DCK: variants seen among roughly 807,000 people sequenced by gnomAD.
DCK encodes deoxyadenosine kinase.
Under a neutral mutation model 38.3 loss-of-function variants are expected in DCK, and 23 were observed. The ratio of observed to expected loss-of-function variants is 0.60; its 90% CI spans 0.43 to 0.85. DCK has a LOEUF of 0.85. Ranked by LOEUF, DCK falls within the 40% of genes least tolerant of loss-of-function variation. The probability of loss-of-function intolerance (pLI) is 0.00; values close to 1 mark genes in which losing one functional copy is unlikely to be tolerated. For missense variants in DCK, 259 were observed against 304.4 expected, an observed-to-expected ratio of 0.85 and a Z score of 1.11; for synonymous variants, 108 against 100.6, an observed-to-expected ratio of 1.07 and a Z score of -0.44.
chr4:70,994,642 G>C (rs145440555), intron 1 of DCK, among the ~76,000 whole-genome samples: 202 of 152,318 alleles, frequency 1.3e-3, no homozygotes, highest in African/African-American at 4.8e-3. Context: ...CCTCAGGGTT[G>C]TTTACAGTTT....
chr4:71,028,123 T>C (rs1740585410), intron 6 of DCK, among the ~76,000 whole-genome samples: 1 of 152,232 alleles, frequency 6.6e-6, no homozygotes, highest in Non-Finnish European at 1.5e-5. Flanking sequence ...GCAAAGTATG[T>C]GATTCACATA....
At chr4:70,996,730 A>G (rs1578416853) in intron 1 of DCK, among the ~76,000 whole-genome samples, 1 of 152,276 alleles carries the variant, frequency 6.6e-6, no homozygotes, top group East Asian at 1.9e-4. Context: ...TTTTATATTT[A>G]TATAACCCAT....
rs1739588039 is a variant in DCK, at chr4:70,993,654, C to T, written c.-182C>T. ...GGCCGCCCCGCAGGCCCGCCAGTGT[C>T]CTCAGCTGCCTCCGCGCGCCAAAGT... On this transcript the variant is annotated 5_prime_UTR_variant, in exon 1 of 7. Coordinates refer to ENST00000286648, the MANE Select transcript of DCK (RefSeq NM_000788.3). 3.6e-6 allele frequency: 2 copies of T among 553,442 alleles called. No individual in the cohort carries two copies. Among genetic ancestry groups the T allele is most frequent in the South Asian group, 2.2e-5 (1 of 45,306 alleles). The allele number at this position is 553,442 out of a possible 1,614,324, so 34.3% of individuals were successfully genotyped here.
In DCK at chr4:71,025,906, A is replaced by G. The variant is rs1274579392; in HGVS notation, c.640A>G (p.Ser214Gly). Residue 214 changes from serine (S) to glycine (G), a missense_variant, in exon 5 of 7, where the codon AGC becomes GGC. By Grantham distance (56) the Ser-to-Gly change is moderately conservative. Coordinates refer to ENST00000286648, the MANE Select transcript of DCK (RefSeq NM_000788.3). ...YLEKLHYKHE[S>G]WLLHRTLKTN... ...AGAGAAGCTTCATTATAAACATGAA[A>G]GCTGGCTCCTGCATAGGACACTGAA... 2 of 1,610,366 alleles carry G rather than the reference A, an allele frequency of 1.2e-6. No homozygotes were observed. Among genetic ancestry groups the G allele is most frequent in the Non-Finnish European group, 1.7e-6 (2 of 1,178,172 alleles).
Position 71,005,753 on chromosome 4 carries a change from C to G in DCK, c.207+7571C>G, listed in dbSNP as rs1428630024. The stretch of plus-strand genomic sequence containing the variant: ...CTGACCTCAGGTGATCCGCCTGCCT[C>G]AGCCTCCCAAAATGTTTGGATTACA... On this transcript the variant is annotated intron_variant, in intron 2 of 6. Transcript: ENST00000286648. 4.6e-5 allele frequency among the ~76,000 whole-genome samples: 7 copies of G among 152,134 alleles called. No individual in the cohort carries two copies. In the East Asian group the frequency reaches 1.4e-3, roughly 30 times the overall value.
intron 2 of DCK, among the ~76,000 whole-genome samples, chr4:71,019,732 G>C (rs558380373): frequency 5.3e-5 from 8 of 152,050 alleles, no homozygotes; most frequent in Admixed American, 4.6e-4. Context: ...TTGAAATTAG[G>C]AGCCAAACCA....
intron 2 of DCK, among the ~76,000 whole-genome samples, chr4:71,009,762 G>T (rs1740038664): frequency 6.6e-6 from 1 of 152,132 alleles, no homozygotes; most frequent in African/African-American, 2.4e-5. Flanking sequence ...CTGTACTTCT[G>T]TACAGAGGGG....
chr4:71,016,675 A>C (rs1014201575), intron 2 of DCK, among the ~76,000 whole-genome samples: 59 of 152,310 alleles, frequency 3.9e-4, no homozygotes, highest in African/African-American at 1.2e-3. Flanking sequence ...GAAAAACAAG[A>C]AATGGGGAAA....
At chr4:71,009,726 T>A (rs1469114230) in intron 2 of DCK, among the ~76,000 whole-genome samples, 1 of 152,162 alleles carries the variant, frequency 6.6e-6, no homozygotes, top group Non-Finnish European at 1.5e-5. Context: ...TTTGTGTGTA[T>A]TGGGGACTGC....
intron 2 of DCK, among the ~76,000 whole-genome samples, chr4:71,005,278 G>C (rs995790321): frequency 6.6e-6 from 1 of 151,640 alleles, no homozygotes; most frequent in African/African-American, 2.4e-5. Flanking sequence ...CTTCTGCTTG[G>C]CCTCTGTGGG....
intron 3 of DCK, 83 bp from the exon 4 acceptor site, chr4:71,023,476 T>G: frequency 1.1e-6 from 1 of 888,938 alleles, no homozygotes; most frequent in Non-Finnish European, 1.7e-6. Flanking sequence ...TTTAGGAGAA[T>G]GTTTCATGTT....
chr4:71,020,606 A>G (rs1560687172), intron 2 of DCK, among the ~76,000 whole-genome samples: 2 of 152,228 alleles, frequency 1.3e-5, no homozygotes, highest in African/African-American at 2.4e-5. Flanking sequence ...AGGAAAGGCC[A>G]AAATAAAATG....
intron 1 of DCK, among the ~76,000 whole-genome samples, chr4:70,994,444 G>T (rs1739613650): frequency 6.6e-6 from 1 of 152,152 alleles, no homozygotes; most frequent in South Asian, 2.1e-4. Flanking sequence ...TGCAAGTGTT[G>T]CCTTTTCCAG....
chr4:71,028,758 A>ATT, intron 6 of DCK: 6 of 187,168 alleles, frequency 3.2e-5, no homozygotes, highest in East Asian at 2.4e-4. Context: ...ATGCCTAGCT[A>ATT]ATTTTTTTTT....
At chr4:71,013,096 G>A (rs1560684223) in intron 2 of DCK, among the ~76,000 whole-genome samples, 9 of 152,162 alleles carry the variant, frequency 5.9e-5, no homozygotes, top group Admixed American at 5.2e-4. Context: ...CATGGCACGA[G>A]AACTACATGA....
At chr4:71,007,778 C>T (rs1319417230) in intron 2 of DCK, among the ~76,000 whole-genome samples, 1 of 152,210 alleles carries the variant, frequency 6.6e-6, no homozygotes, top group African/African-American at 2.4e-5. Flanking sequence ...TGCAGTGGCG[C>T]AGCCATGGTT....
chr4:71,014,343 G>C (rs368879300), intron 2 of DCK, among the ~76,000 whole-genome samples: 7 of 151,052 alleles, frequency 4.6e-5, no homozygotes, highest in East Asian at 1.9e-4. Flanking sequence ...CCCCACTGTC[G>C]ACATTAGACA....
intron 2 of DCK, among the ~76,000 whole-genome samples, chr4:71,014,893 T>C (rs1740215106): frequency 6.6e-6 from 1 of 152,110 alleles, no homozygotes; most frequent in African/African-American, 2.4e-5. Flanking sequence ...ATTCCAAAGC[T>C]AGCAGAAGGC....
intron 2 of DCK, 60 bp from the exon 3 acceptor site, chr4:71,022,307 T>G (rs1740444347): frequency 2.2e-6 from 2 of 921,556 alleles, no homozygotes; most frequent in African/African-American, 1.7e-5. Context: ...CCTTAAAAAT[T>G]AAAATAGCCC....
Sources: allele counts gnomAD v4.1 joint callset (sites outside exome capture counted in the v4.1 genomes callset), GRCh38; gene constraint gnomAD v4.1.1; transcripts MANE v1.5; gene names NCBI Gene and HGNC (gene_info 2026-07-23, HGNC 2026-07-21).